The following PNPLA6 variants were observed in gnomAD, a reference collection of about 807,000 sequenced individuals.
The protein encoded by PNPLA6 is patatin-like phospholipase domain-containing protein 6.
In PNPLA6, 105 loss-of-function variants were observed where a neutral mutation model predicts 153.7. That is an observed-to-expected ratio of 0.68 (90% CI 0.58 to 0.80). The LOEUF is 0.80. Among genes scored for constraint, PNPLA6 ranks in the 30% least tolerant of loss-of-function variants. The pLI, the probability that PNPLA6 is intolerant of heterozygous loss-of-function variation, is 0.00. For synonymous variants in PNPLA6, 825 were observed against 822.2 expected, an observed-to-expected ratio of 1.00 and a Z score of -0.06; for missense variants, 1,423 against 1,919.3, an observed-to-expected ratio of 0.74 and a Z score of 4.83.
In PNPLA6 at chr19:7,554,602, C is replaced by T. The variant is rs1272130769; in HGVS notation, c.2513C>T (p.Ala838Val). The change falls in exon 21 of 32, where the codon GCA (alanine) becomes GTA (valine). Residue 838 changes from alanine to valine, a missense_variant. Around this residue, in one of 10 missense-constraint regions of PNPLA6, gnomAD observed 643 missense variants for 835.2 expected, o/e 0.77. Transcript: ENST00000600737. Reference protein sequence around the residue: ...LSGWLAQQEDAHRIVLYQTDA... With the variant: ...LSGWLAQQEDVHRIVLYQTDA... ...GGGTGGCTGGCCCAGCAGGAGGATGCACACCGTATCGTACTCTACCAGACG... is the reference window on the plus strand; with the variant it reads ...GGGTGGCTGGCCCAGCAGGAGGATGTACACCGTATCGTACTCTACCAGACG... The T allele has an allele frequency of 6.2e-7, 1 of 1,614,100 alleles. No individual in the cohort carries two copies.
intron 13 of PNPLA6, among the ~76,000 whole-genome samples, chr19:7,545,978 G>A (rs927960866): frequency 8.6e-5 from 13 of 150,708 alleles, no homozygotes; most frequent in African/African-American, 2.0e-4. Flanking sequence ...GCAGCCCACC[G>A]TATTCTGAGA....
chr19:7,543,569 C>A (rs1453012063), intron 13 of PNPLA6, among the ~76,000 whole-genome samples: 1 of 152,174 alleles, frequency 6.6e-6, no homozygotes, highest in East Asian at 1.9e-4. Context: ...TCCTACCATT[C>A]TGTCCACTGT....
intron 13 of PNPLA6, among the ~76,000 whole-genome samples, chr19:7,544,377 G>T (rs1250625203): frequency 6.6e-6 from 1 of 152,228 alleles, no homozygotes; most frequent in Non-Finnish European, 1.5e-5. Flanking sequence ...CTCCCAAAGA[G>T]CTGGGATTAC....
intron 18 of PNPLA6, among the ~76,000 whole-genome samples, chr19:7,553,344 C>T (rs922893411): frequency 1.3e-5 from 2 of 152,186 alleles, no homozygotes; most frequent in South Asian, 2.1e-4. Context: ...CTCTGCCTCC[C>T]AGGTTCAAGT....
intron 13 of PNPLA6, 53 bp downstream of exon 13, chr19:7,543,137 C>A: frequency 1.4e-6 from 2 of 1,443,682 alleles, no homozygotes; most frequent in Non-Finnish European, 1.9e-6. Flanking sequence ...TTCCCTATGA[C>A]TTCTGTGACC....
chr19:7,535,537 G>T (rs1487207836), upstream of PNPLA6: 1 of 1,600,124 alleles, frequency 6.2e-7, no homozygotes, highest in South Asian at 1.1e-5. This position sits in a 1 kb window ranked among gnomAD's most constrained non-coding sequence, Gnocchi z 5.0. Flanking sequence ...CGGCCGTCCA[G>T]CTGGAATCAA....
In PNPLA6 at chr19:7,555,348, C is replaced by T. The variant is rs1488307606; in HGVS notation, c.2917C>T (p.Leu973=). ...VLTGNTIALV[L]GGGGARGCSH... The stretch of plus-strand genomic sequence containing the variant: ...CACGGGGAACACCATTGCCCTTGTG[C>T]TAGGCGGGGGCGGGGCCAGGTGAGG... The change falls in exon 23 of 32, where the codon CTA becomes TTA. Residue 973 remains leucine (L), a synonymous_variant. Coordinates refer to ENST00000600737, the MANE Select transcript of PNPLA6 (RefSeq NM_001166114.2). This position sits in a 1 kb window ranked among gnomAD's most constrained non-coding sequence, Gnocchi z 6.3. The T allele has an allele frequency of 1.9e-6, 3 of 1,548,952 alleles. No homozygotes were observed. Among genetic ancestry groups the T allele is most frequent in the Middle Eastern group, 1.7e-4 (1 of 5,950 alleles).
intron 16 of PNPLA6, 50 bp downstream of exon 16, chr19:7,550,690 C>G: frequency 6.2e-7 from 1 of 1,602,236 alleles, no homozygotes. Context: ...AGGCCAGTCC[C>G]TCGACAACTC....
chr19:7,554,113 AGGGCCACAG>A (rs1055515831), intron 19 of PNPLA6, 87 bp from the exon 20 acceptor site: 52 of 1,561,336 alleles, frequency 3.3e-5, no homozygotes, highest in Non-Finnish European at 4.1e-5. Flanking sequence ...GGAGGGGAAC[AGGGCCACAG>A]GGGCGGGGTA....
chr19:7,560,697 G>A lies in PNPLA6; in HGVS notation c.3749G>A (p.Gly1250Asp). 1 of 1,614,000 alleles carries A rather than the reference G, an allele frequency of 6.2e-7. No individual in the cohort carries two copies. Among genetic ancestry groups the A allele is most frequent in the East Asian group, 2.2e-5 (1 of 44,874 alleles). ...GKAVFGGWSR[G>D]NVIEKMLTDR... ...GCGGTGTTTGGAGGCTGGAGCCGTG[G>A]CAACGTCATTGAGAAAATGCTCACA... Residue 1250 changes from glycine to aspartate, a missense_variant, in exon 29 of 32, where the codon GGC becomes GAC. By Grantham distance (94) the Gly-to-Asp change is moderately conservative. Coordinates refer to ENST00000600737, the MANE Select transcript of PNPLA6 (RefSeq NM_001166114.2).
At position 7,554,945 on chromosome 19, in the gene PNPLA6, T is replaced by C. The variant is rs757965741; in HGVS notation, c.2687T>C (p.Leu896Pro). The C allele has an allele frequency of 1.9e-6, 3 of 1,579,108 alleles. No individual in the cohort carries two copies. Among genetic ancestry groups the C allele is most frequent in the South Asian group, 2.2e-5 (2 of 88,930 alleles). The stretch of plus-strand genomic sequence containing the variant: ...GTGCGCGCCCTTAAGCAGCTAGTCC[T>C]GCTCCACCGAGAGGAGGGCGCGGGC... ...TAVRALKQLVLLHREEGAGPT... is the reference protein window; with the variant it reads ...TAVRALKQLVPLHREEGAGPT... Residue 896 changes from leucine (L) to proline (P), a missense_variant, in exon 22 of 32, where the codon CTG becomes CCG. By Grantham distance (98) the Leu-to-Pro change is moderately conservative. This residue lies in a region of PNPLA6 where 643 missense variants were observed against 835.2 expected (regional missense o/e 0.77). Transcript: ENST00000600737.
Position 7,556,650 on chromosome 19 carries a change from C to T in PNPLA6, c.3211-5C>T, listed in dbSNP as rs376209366. ...CCTCCCCCACCTCGATCCCTGTCCC[C>T]GCAGGACCTGTGGCTGCCTTACTTC... On this transcript the variant is annotated splice_region_variant and splice_polypyrimidine_tract_variant and intron_variant, in intron 25 of 31. Coordinates refer to ENST00000600737, the MANE Select transcript of PNPLA6 (RefSeq NM_001166114.2). 1.1e-5 allele frequency: 17 copies of T among 1,612,672 alleles called. No homozygotes were observed. Among genetic ancestry groups the T allele is most frequent in the Admixed American group, 3.3e-5 (2 of 59,990 alleles).
Position 7,555,018 on chromosome 19 carries a change from G to A in PNPLA6, c.2760G>A (p.Gly920=). 6.3e-7 allele frequency: 1 copy of A among 1,593,414 alleles called. No individual in the cohort carries two copies. The highest frequency in any genetic ancestry group is 8.5e-7 in the Non-Finnish European group (1 of 1,178,088). The change falls in exon 22 of 32, where the codon GGG becomes GGA. Residue 920 remains glycine, a synonymous_variant. Transcript: ENST00000600737. The surrounding 1 kb of genome is among the most constrained non-coding windows in gnomAD (Gnocchi z 6.3). ...EWLNMRSWCS[G]HLHLRCPRRL... is the part of the protein sequence containing the mutation. ...TAAATATGCGCAGCTGGTGCTCGGG[G>A]CACCTGCACCTGCGCTGTCCGCGCC...
upstream of PNPLA6, chr19:7,535,421 C>A: frequency 1.0e-6 from 1 of 986,778 alleles, no homozygotes. The surrounding 1 kb of genome is among the most constrained non-coding windows in gnomAD (Gnocchi z 5.0). Flanking sequence ...GAGGGCAGGG[C>A]TTGAGCTGGG....
At chr19:7,547,811 ATTTT>A (rs71286227) in intron 13 of PNPLA6, among the ~76,000 whole-genome samples, 1 of 114,502 alleles carries the variant, frequency 8.7e-6, no homozygotes. Context: ...CTAATTAAAA[ATTTT>A]TTTTTTTTTT....
At chr19:7,534,789 C>G (rs1599260557), upstream of PNPLA6, 1 of 152,938 alleles carries the variant, frequency 6.5e-6, no homozygotes, top group African/African-American at 2.4e-5. Flanking sequence ...CAGTGATGCT[C>G]TGTGCCATAG....
In PNPLA6 at chr19:7,536,487, C is replaced by G; in HGVS notation, c.354C>G (p.Val118=). 2 of 1,613,972 alleles carry G rather than the reference C, an allele frequency of 1.2e-6. No individual in the cohort carries two copies. Among genetic ancestry groups the G allele is most frequent in the South Asian group, 2.2e-5 (2 of 91,078 alleles). Residue 118 remains valine (V), a synonymous_variant, in exon 3 of 32, where the codon GTC becomes GTG. Coordinates refer to ENST00000600737, the MANE Select transcript of PNPLA6 (RefSeq NM_001166114.2). ...CCTCCTCCCTCGTGGATACCTCTGT[C>G]TCCGCCACCTCCCGGCCACGCATGA... ...QSTSSLVDTS[V]SATSRPRMRK...
Position 7,554,942 on chromosome 19 carries a change from T to A in PNPLA6, c.2684T>A (p.Val895Asp), listed in dbSNP as rs749877949. 1.9e-6 allele frequency: 3 copies of A among 1,581,994 alleles called. No homozygotes were observed. The highest frequency in any genetic ancestry group is 1.1e-5 in the South Asian group (1 of 89,046). ...NTAVRALKQL[V>D]LLHREEGAGP... The stretch of plus-strand genomic sequence containing the variant: ...GCTGTGCGCGCCCTTAAGCAGCTAG[T>A]CCTGCTCCACCGAGAGGAGGGCGCG... Residue 895 changes from valine to aspartate, a missense_variant, in exon 22 of 32, where the codon GTC (valine) becomes GAC (aspartate). Val to Asp is a radical substitution (Grantham distance 152). Coordinates refer to ENST00000600737, the MANE Select transcript of PNPLA6 (RefSeq NM_001166114.2).
intron 13 of PNPLA6, among the ~76,000 whole-genome samples, chr19:7,547,753 T>C (rs957451326): frequency 1.3e-5 from 2 of 150,534 alleles, no homozygotes; most frequent in Non-Finnish European, 3.0e-5. Context: ...TCCTCCTGCC[T>C]CAGCCTCCAG....
Sources: allele counts gnomAD v4.1 joint callset (sites outside exome capture counted in the v4.1 genomes callset), GRCh38; gene constraint gnomAD v4.1.1; regional missense constraint gnomAD v4.1.1; non-coding constraint Gnocchi (gnomAD v3.1); transcripts MANE v1.5; gene names NCBI Gene and HGNC (gene_info 2026-07-23, HGNC 2026-07-21).